The following LRRC4C variants were observed in gnomAD, a reference collection of about 807,000 sequenced individuals.
LRRC4C encodes the protein leucine-rich repeat-containing protein 4C.
Under a neutral mutation model 33.6 loss-of-function variants are expected in LRRC4C, and 5 were observed. The observed-to-expected ratio is 0.15, with a 90% CI of 0.08 to 0.31. The LOEUF (loss-of-function observed/expected upper bound fraction) is 0.31, where lower values mean the gene tolerates loss of function less well. Ranked by LOEUF, LRRC4C falls within the 10% of genes least tolerant of loss-of-function variation. LRRC4C has a pLI of 1.00. For missense variants in LRRC4C, 560 were observed against 796.7 expected (o/e 0.70, Z 3.58); for synonymous variants, 329 against 302.0 (o/e 1.09, Z -0.93).
At chr11:41,304,052 T>G (rs1449945620) in intron 1 of LRRC4C, among the ~76,000 whole-genome samples, 23 of 43,148 alleles carry the variant, frequency 5.3e-4, no homozygotes, top group Non-Finnish European at 7.6e-4. Context: ...AGGTGGGGGG[T>G]CAGCCCCCCG....
At chr11:40,822,387 A>T (rs1244536856) in intron 2 of LRRC4C, among the ~76,000 whole-genome samples, 2 of 151,426 alleles carry the variant, frequency 1.3e-5, no homozygotes, top group African/African-American at 4.8e-5. Context: ...TGTATAAACA[A>T]CCTTTTTTAA....
At chr11:40,861,245 C>T (rs1954083757) in intron 2 of LRRC4C, among the ~76,000 whole-genome samples, 1 of 151,986 alleles carries the variant, frequency 6.6e-6, no homozygotes, top group African/African-American at 2.4e-5. Flanking sequence ...TTTTGAGATC[C>T]TCAGATATGC....
At chr11:40,372,987 A>G (rs2137274854) in intron 3 of LRRC4C, among the ~76,000 whole-genome samples, 1 of 152,258 alleles carries the variant, frequency 6.6e-6, no homozygotes, top group African/African-American at 2.4e-5. Flanking sequence ...GTTGGTGTAC[A>G]ATTATTATTT....
At chr11:40,300,035 T>C (rs887793928) in intron 4 of LRRC4C, among the ~76,000 whole-genome samples, 45 of 152,172 alleles carry the variant, frequency 3.0e-4, no homozygotes, top group African/African-American at 1.1e-3. Context: ...CATATGCTTC[T>C]GGGGAGGCCT....
intron 1 of LRRC4C, among the ~76,000 whole-genome samples, chr11:41,003,823 G>A (rs892492107): frequency 2.0e-5 from 3 of 151,858 alleles, no homozygotes; most frequent in Non-Finnish European, 1.5e-5. Flanking sequence ...GGTCTGCCTG[G>A]CTCTGAGGGG....
chr11:41,452,040 A>G (rs1229849769), intron 1 of LRRC4C, among the ~76,000 whole-genome samples: 2 of 152,094 alleles, frequency 1.3e-5, no homozygotes, highest in Non-Finnish European at 2.9e-5. Context: ...TTTTTCCTAA[A>G]TGTTTTCACT....
intron 1 of LRRC4C, among the ~76,000 whole-genome samples, chr11:40,948,188 C>T (rs116575336): frequency 0.014 from 2,131 of 152,210 alleles, 55 homozygotes; most frequent in African/African-American, 0.049. Flanking sequence ...CCTCAATATA[C>T]TCCATATTCA....
intron 1 of LRRC4C, among the ~76,000 whole-genome samples, chr11:41,087,346 A>G (rs1940078307): frequency 6.6e-6 from 1 of 152,132 alleles, no homozygotes; most frequent in South Asian, 2.1e-4. Flanking sequence ...AATGTAAATC[A>G]ATTATCCCTA....
intron 4 of LRRC4C, among the ~76,000 whole-genome samples, chr11:40,247,017 C>T (rs1866394876): frequency 6.6e-6 from 1 of 152,096 alleles, no homozygotes; most frequent in African/African-American, 2.4e-5. Context: ...GGTTGCCTTT[C>T]AATCACTGAA....
At chr11:40,935,622 G>A (rs1957844967) in intron 1 of LRRC4C, among the ~76,000 whole-genome samples, 1 of 151,980 alleles carries the variant, frequency 6.6e-6, no homozygotes, top group Non-Finnish European at 1.5e-5. Context: ...ACATAGCCTA[G>A]GTGTATAGTA....
At chr11:40,315,852 A>T (rs1945549403) in intron 4 of LRRC4C, among the ~76,000 whole-genome samples, 1 of 151,948 alleles carries the variant, frequency 6.6e-6, no homozygotes, top group Non-Finnish European at 1.5e-5. Flanking sequence ...TAAACTCTTA[A>T]CACTACAGGA....
intron 3 of LRRC4C, among the ~76,000 whole-genome samples, chr11:40,457,867 G>C (rs1300618123): frequency 3.3e-5 from 5 of 152,058 alleles, no homozygotes; most frequent in Non-Finnish European, 7.4e-5. Flanking sequence ...TATTATTGCA[G>C]AAGTCTCTGT....
At chr11:41,099,142 T>C (rs1388093733) in intron 1 of LRRC4C, among the ~76,000 whole-genome samples, 1 of 151,846 alleles carries the variant, frequency 6.6e-6, no homozygotes. Flanking sequence ...TAGTAAGAAA[T>C]TGACTCCTGG....
At chr11:41,063,329 A>G (rs1397801980) in intron 1 of LRRC4C, among the ~76,000 whole-genome samples, 1 of 152,228 alleles carries the variant, frequency 6.6e-6, no homozygotes, top group Non-Finnish European at 1.5e-5. Flanking sequence ...TAGTTGAGCT[A>G]AAAATCTAGT....
At chr11:40,937,406 T>A (rs144694748) in intron 1 of LRRC4C, among the ~76,000 whole-genome samples, 1 of 152,180 alleles carries the variant, frequency 6.6e-6, no homozygotes, top group Non-Finnish European at 1.5e-5. Flanking sequence ...ACCCCAAACC[T>A]CAGCATCACA....
intron 4 of LRRC4C, among the ~76,000 whole-genome samples, chr11:40,274,200 GA>G (rs1942919433): frequency 6.6e-6 from 1 of 151,964 alleles, no homozygotes; most frequent in African/African-American, 2.4e-5. Context: ...ATACTTCTGA[GA>G]AATAGCAAGA....
At chr11:40,330,741 C>G (rs577503304) in intron 3 of LRRC4C, among the ~76,000 whole-genome samples, 1 of 152,220 alleles carries the variant, frequency 6.6e-6, no homozygotes, top group African/African-American at 2.4e-5. Flanking sequence ...AAATAACCAA[C>G]CCCATGATTC....
chr11:40,560,623 A>G (rs1024099342), intron 3 of LRRC4C, among the ~76,000 whole-genome samples: 1 of 152,216 alleles, frequency 6.6e-6, no homozygotes, highest in Non-Finnish European at 1.5e-5. Context: ...GATTATTTTG[A>G]GAAAAGGAAA....
chr11:40,280,242 G>C (rs1213873626), intron 4 of LRRC4C, among the ~76,000 whole-genome samples: 4 of 152,192 alleles, frequency 2.6e-5, no homozygotes, highest in Admixed American at 2.6e-4. Context: ...GAGAGAGATG[G>C]GACTGAAGGC....
Sources: gnomAD v4.1 joint callset for allele counts (sites outside exome capture counted in the v4.1 genomes callset) on GRCh38, gnomAD v4.1.1 for gene constraint, MANE v1.5 for transcripts, NCBI Gene and HGNC (gene_info 2026-07-23, HGNC 2026-07-21) for gene names.